Variants in CHST15 observed in about 807,000 individuals in gnomAD.
CHST15 encodes B cell RAG associated protein (GALNAC4S-6ST).
A neutral mutation model predicts 53.6 loss-of-function variants in CHST15; 30 were observed. The observed-to-expected ratio is 0.56, with a 90% confidence interval of 0.42 to 0.76. CHST15 has a LOEUF of 0.76. CHST15 is among the 30% of genes least tolerant of loss of function. The pLI is 0.00. For synonymous variants in CHST15, 296 were observed against 289.8 expected (o/e 1.02, Z -0.22); for missense variants, 627 against 740.5 (o/e 0.85, Z 1.78).
chr10:124,038,138 A>G (rs1947583911), intron 5 of CHST15, among the ~76,000 whole-genome samples: 1 of 146,968 alleles, frequency 6.8e-6, no homozygotes, highest in South Asian at 2.1e-4. Context: ...ATGGAGTCTC[A>G]CTCTGACACC....
chr10:124,008,659 C>G lies in CHST15; in HGVS notation c.*1490G>C. ...GGCTGAACAACTGCAGATCCTCCTA[C>G]CCCCGAAGCCTGGTCTGTCTCACAC... On this transcript the variant is annotated 3_prime_UTR_variant, in exon 8 of 8. Transcript: ENST00000435907. The G allele has an allele frequency of 1.9e-6, 2 of 1,040,598 alleles. No individual in the cohort carries two copies. Among genetic ancestry groups the G allele is most frequent in the East Asian group, 1.7e-4 (2 of 12,102 alleles). The allele number at this position is 1,040,598 out of a possible 1,614,324, so 64.5% of individuals were successfully genotyped here. A position where few individuals can be genotyped will look rare whatever the true frequency, so the allele number is the denominator to read the frequency against.
In CHST15 at chr10:124,044,833, G is replaced by A. The variant is rs779761194; in HGVS notation, c.633C>T (p.Asp211=). The change falls in exon 3 of 8, where the codon GAC becomes GAT. Residue 211 remains aspartate (D), a synonymous_variant. Transcript: ENST00000435907. ...YEEFSGQNTT[D]PYLTNSYVLY... ...GCACGTAGGAGTTGGTGAGGTAGGG[G>A]TCGGTGGTGTTCTGCCCCGAGAACT... is the stretch of plus-strand genomic sequence containing the variant. 5 of 1,560,802 alleles carry A rather than the reference G, an allele frequency of 3.2e-6. No homozygotes were observed. The highest frequency in any genetic ancestry group is 4.3e-6 in the Non-Finnish European group (5 of 1,150,644).
chr10:124,069,462 C>T (rs375452246), intron 1 of CHST15, among the ~76,000 whole-genome samples: 5 of 152,206 alleles, frequency 3.3e-5, no homozygotes, highest in East Asian at 1.9e-4. Context: ...GGGCCAGGCT[C>T]GGGGAATTTG....
chr10:124,037,480 A>G (rs997625400), intron 5 of CHST15, among the ~76,000 whole-genome samples: 5 of 152,178 alleles, frequency 3.3e-5, no homozygotes, highest in African/African-American at 7.2e-5. Context: ...CCTAAGCTAC[A>G]CTGGCCATCT....
chr10:124,064,453 G>A (rs1484428921), intron 1 of CHST15, among the ~76,000 whole-genome samples: 2 of 152,290 alleles, frequency 1.3e-5, no homozygotes, highest in African/African-American at 4.8e-5. Flanking sequence ...CCCCTGACTG[G>A]GAGTCCATGG....
chr10:124,027,692 T>A (rs1947066082), intron 5 of CHST15, among the ~76,000 whole-genome samples: 1 of 152,196 alleles, frequency 6.6e-6, no homozygotes, highest in African/African-American at 2.4e-5. Context: ...ATGCTCTGCG[T>A]CTATCTTCAC....
At position 124,024,719 on chromosome 10, in the gene CHST15, T is replaced by G. The variant is rs565385627; in HGVS notation, c.1191-3307A>C. Among the ~76,000 whole-genome samples, 4 of 152,334 alleles carry G rather than the reference T, an allele frequency of 2.6e-5. No individual in the cohort carries two copies. The highest frequency in any genetic ancestry group is 7.2e-5 in the African/African-American group (3 of 41,588). ...GCCATAGGGTCGCTCATGGTTACTATGACCTAAATGGCTGGTCAATAAGTG... is the reference window on the plus strand; with the variant it reads ...GCCATAGGGTCGCTCATGGTTACTAGGACCTAAATGGCTGGTCAATAAGTG... On this transcript the variant is annotated intron_variant, in intron 5 of 7. Transcript: ENST00000435907. This position sits in a 1 kb window ranked among gnomAD's most constrained non-coding sequence, Gnocchi z 4.0.
Position 124,009,594 on chromosome 10 carries a change from G to A in CHST15, c.*555C>T. ...CGAAAGACTGCGGTTCTCTGTCCCAGTGAGGTTAGCGATCGCAACAAGAGT... is the reference window on the plus strand; with the variant it reads ...CGAAAGACTGCGGTTCTCTGTCCCAATGAGGTTAGCGATCGCAACAAGAGT... On this transcript the variant is annotated 3_prime_UTR_variant, in exon 8 of 8. Coordinates refer to ENST00000435907, the MANE Select transcript of CHST15 (RefSeq NM_001270764.2). The A allele has an allele frequency of 1.0e-6, 1 of 990,040 alleles. No homozygotes were observed. The highest frequency in any genetic ancestry group is 1.2e-6 in the Non-Finnish European group (1 of 832,514). 61.3% of individuals were successfully genotyped at this position (990,040 alleles called of 1,614,324 possible). A position where few individuals can be genotyped will look rare whatever the true frequency, so the allele number is the denominator to read the frequency against.
At chr10:124,077,608 G>C (rs556854187) in intron 1 of CHST15, among the ~76,000 whole-genome samples, 1 of 152,316 alleles carries the variant, frequency 6.6e-6, no homozygotes, top group East Asian at 1.9e-4. Flanking sequence ...GCCCTGCTCT[G>C]TTAGTTTCTG....
rs543341882 is a variant in CHST15, at chr10:124,038,770, T to C, written c.1034-99A>G. On this transcript the variant is annotated intron_variant, in intron 4 of 7. Transcript: ENST00000435907. ...GCCACACCTGGCCCCGATGCCTTCC[T>C]CTTAAGCAGCGGGAGAGGCCAAGCT... is the stretch of plus-strand genomic sequence containing the variant. 23 of 1,295,614 alleles carry C rather than the reference T, an allele frequency of 1.8e-5. No individual in the cohort carries two copies. In the African/African-American group the frequency reaches 3.1e-4, roughly 17 times the overall value. 80.3% of individuals were successfully genotyped at this position (1,295,614 alleles called of 1,614,324 possible).
chr10:124,011,498 A>G (rs1946415890), intron 7 of CHST15: 3 of 985,330 alleles, frequency 3.0e-6, no homozygotes, highest in African/African-American at 1.7e-5. Flanking sequence ...GAAATACTCA[A>G]TTAACCAAGT....
At chr10:124,051,157 A>G (rs1158936460) in intron 1 of CHST15, among the ~76,000 whole-genome samples, 1 of 152,070 alleles carries the variant, frequency 6.6e-6, no homozygotes, top group Non-Finnish European at 1.5e-5. Flanking sequence ...TGGCCAGGCT[A>G]GTCTCGAACT....
chr10:124,009,702 AT>A lies in CHST15; in HGVS notation c.*446del. 3.9e-6 allele frequency: 4 copies of A among 1,022,346 alleles called. No individual in the cohort carries two copies. The highest frequency in any genetic ancestry group is 4.7e-6 in the Non-Finnish European group (4 of 851,362). 63.3% of individuals were successfully genotyped at this position (1,022,346 alleles called of 1,614,324 possible). ...AGTCTGTGCAACACGGCGAGACCCC[AT>A]CTCTAGGGGGAAAAAAAGGGAACGT... is the stretch of plus-strand genomic sequence containing the variant. On this transcript the variant is annotated 3_prime_UTR_variant, in exon 8 of 8. Transcript: ENST00000435907.
intron 1 of CHST15, among the ~76,000 whole-genome samples, chr10:124,081,931 C>A (rs1949255976): frequency 6.6e-6 from 1 of 152,200 alleles, no homozygotes; most frequent in Admixed American, 6.5e-5. Context: ...AAATTTCATT[C>A]TCTGAATTGG....
intron 1 of CHST15, among the ~76,000 whole-genome samples, chr10:124,072,275 T>C (rs117724678): frequency 0.014 from 2,157 of 152,262 alleles, 71 homozygotes; most frequent in East Asian, 0.11. Context: ...CAGCTGGGGC[T>C]CTGCTGCTCA....
At chr10:124,030,118 C>T (rs1166662743) in intron 5 of CHST15, among the ~76,000 whole-genome samples, 1 of 152,194 alleles carries the variant, frequency 6.6e-6, no homozygotes, top group Non-Finnish European at 1.5e-5. Context: ...TTTTCTCCCA[C>T]CAATAACAAG....
chr10:124,014,117 G>A (rs75462362), intron 6 of CHST15, among the ~76,000 whole-genome samples: 1 of 152,186 alleles, frequency 6.6e-6, no homozygotes, highest in East Asian at 1.9e-4. Context: ...TGGCTCCCCA[G>A]GCTCCTCCCT....
rs746058250 is a variant in CHST15, at chr10:124,012,469, C to A, written c.1359G>T (p.Gln453His). 4 of 1,613,096 alleles carry A rather than the reference C, an allele frequency of 2.5e-6. No homozygotes were observed. The African/African-American group carries it at 5.3e-5, about 22-fold the overall frequency. ...GAAGGTACACAGCATAGAGCCCAAC[C>A]TGGAGCCTCACCTAGGACCACAGAA... ...TLNNAMPVRLQVGLYAVYLLD... is the reference protein window; with the variant it reads ...TLNNAMPVRLHVGLYAVYLLD... Residue 453 changes from glutamine to histidine, a missense_variant, in exon 7 of 8, where the codon CAG (glutamine) becomes CAT (histidine). By Grantham distance (24) the Gln-to-His change is conservative (BLOSUM62 0). Transcript: ENST00000435907.
chr10:124,092,336 A>G (rs1949628576), intron 1 of CHST15: 1 of 151,930 alleles, frequency 6.6e-6, no homozygotes. Flanking sequence ...CGCGGCTCAG[A>G]GCTGCCTCGC....
Sources: gnomAD v4.1 joint callset for allele counts (sites outside exome capture counted in the v4.1 genomes callset) on GRCh38, gnomAD v4.1.1 for gene constraint, Gnocchi (gnomAD v3.1) non-coding constraint, MANE v1.5 for transcripts, NCBI Gene and HGNC (gene_info 2026-07-23, HGNC 2026-07-21) for gene names.